Variants in JADE2 observed in about 807,000 individuals in gnomAD.
JADE2 encodes E3 ubiquitin-protein ligase Jade-2.
In JADE2, 13 loss-of-function variants were observed where a neutral mutation model predicts 85.7. The observed-to-expected ratio is 0.15, with a 90% CI of 0.10 to 0.24. The LOEUF (loss-of-function observed/expected upper bound fraction) is 0.24. JADE2 is among the 10% of genes least tolerant of loss of function. The pLI, the probability that JADE2 is intolerant of heterozygous loss-of-function variation, is 1.00. For missense variants in JADE2, 846 were observed against 1,115.9 expected (o/e 0.76, Z 3.45); for synonymous variants, 440 against 456.1 (o/e 0.96, Z 0.45).
At chr5:134,552,987 C>CTTTTTTT (rs34182692) in intron 4 of JADE2, among the ~76,000 whole-genome samples, 7 of 62,416 alleles carry the variant, frequency 1.1e-4, no homozygotes, top group East Asian at 5.4e-4. Flanking sequence ...TGGGCCTGGC[C>CTTTTTTT]TTTTTTTTTT....
At chr5:134,557,152 C>T (rs138571803) in intron 4 of JADE2, among the ~76,000 whole-genome samples, 2 of 152,176 alleles carry the variant, frequency 1.3e-5, no homozygotes, top group East Asian at 3.9e-4. Flanking sequence ...AAACTTAATC[C>T]ATTTAATCCT....
In JADE2 at chr5:134,578,722, A is replaced by C. The variant is rs557690114; in HGVS notation, c.1910A>C (p.Lys637Thr). 7 of 1,613,172 alleles carry C rather than the reference A, an allele frequency of 4.3e-6. 1 individual carries two copies. Among genetic ancestry groups the C allele is most frequent in the Middle Eastern group, 1.6e-4 (1 of 6,084 alleles). ...PSLRPGDPAR[K>T]ARGRTRLPAK... ...CTGCGACCTGGTGACCCTGCTAGGAAGGCCCGAGGCCGCACCCGCCTGCCT... is the reference window on the plus strand; with the variant it reads ...CTGCGACCTGGTGACCCTGCTAGGACGGCCCGAGGCCGCACCCGCCTGCCT... The change falls in exon 12 of 12, where the codon AAG (lysine) becomes ACG (threonine). Residue 637 changes from lysine to threonine, a missense_variant. Lys to Thr is a moderately conservative substitution (Grantham distance 78). Transcript: ENST00000681547. The surrounding 1 kb of genome is among the most constrained non-coding windows in gnomAD (Gnocchi z 4.4).
chr5:134,524,897 T>A (rs958447499), upstream of JADE2, among the ~76,000 whole-genome samples: 1 of 152,182 alleles, frequency 6.6e-6, no homozygotes, highest in Non-Finnish European at 1.5e-5. Context: ...GCCAGCACTT[T>A]CTGCTCACTT....
intron 9 of JADE2, among the ~76,000 whole-genome samples, chr5:134,572,683 AG>A (rs1444622447): frequency 6.6e-6 from 1 of 152,196 alleles, no homozygotes; most frequent in Non-Finnish European, 1.5e-5. Flanking sequence ...GTCTCAAGGG[AG>A]GGGGCTTGGT....
At chr5:134,545,121 G>A (rs898506127) in intron 3 of JADE2, among the ~76,000 whole-genome samples, 1 of 152,212 alleles carries the variant, frequency 6.6e-6, no homozygotes, top group Non-Finnish European at 1.5e-5. Flanking sequence ...GTGGTTTTGA[G>A]CCAAGTTTCC....
chr5:134,532,181 C>T lies in JADE2; in HGVS notation c.1-3677C>T, dbSNP rs1761289200. Among the ~76,000 whole-genome samples, 4 of 151,978 alleles carry T rather than the reference C, an allele frequency of 2.6e-5. 1 individual carries two copies. The South Asian group carries it at 6.2e-4, about 24-fold the overall frequency. On this transcript the variant is annotated intron_variant, in intron 1 of 11. Transcript: ENST00000681547. ...ATTACAGGTGTGAGTCACCGCACCC[C>T]GACTGATTTATGCTTTTTAAACATC... is the stretch of plus-strand genomic sequence containing the variant.
At chr5:134,528,474 G>A (rs547106400) in intron 1 of JADE2, among the ~76,000 whole-genome samples, 69 of 152,344 alleles carry the variant, frequency 4.5e-4, no homozygotes, top group South Asian at 1.9e-3. Flanking sequence ...GAAGGAATGA[G>A]TAATAAAGCT....
intron 6 of JADE2, among the ~76,000 whole-genome samples, chr5:134,561,893 C>G (rs1309825536): frequency 2.0e-5 from 3 of 152,116 alleles, no homozygotes; most frequent in Non-Finnish European, 4.4e-5. Context: ...TTGGACTCTC[C>G]TTAAGTCTAT....
intron 5 of JADE2, 146 bp downstream of exon 5, chr5:134,560,136 T>C: frequency 1.1e-6 from 1 of 907,406 alleles, no homozygotes; most frequent in Non-Finnish European, 1.7e-6. Flanking sequence ...AATGGGGACC[T>C]CACTGGTTAG....
intron 7 of JADE2, chr5:134,564,226 C>A (rs774424149): frequency 1.2e-5 from 4 of 322,616 alleles, no homozygotes; most frequent in Non-Finnish European, 1.7e-5. Context: ...ACACTGACGG[C>A]ACACTCACAC....
intron 3 of JADE2, among the ~76,000 whole-genome samples, chr5:134,538,907 A>T (rs1761770466): frequency 6.7e-6 from 1 of 150,328 alleles, no homozygotes; most frequent in Non-Finnish European, 1.5e-5. Flanking sequence ...CCCAGGCTGG[A>T]GTGCAGTGGC....
intron 1 of JADE2, among the ~76,000 whole-genome samples, chr5:134,530,283 A>G (rs1464037034): frequency 6.6e-6 from 1 of 152,252 alleles, no homozygotes; most frequent in East Asian, 1.9e-4. Context: ...GCATCTTATT[A>G]CACACACGCC....
intron 3 of JADE2, among the ~76,000 whole-genome samples, chr5:134,539,364 A>C (rs1056959919): frequency 1.1e-4 from 16 of 151,850 alleles, no homozygotes; most frequent in Non-Finnish European, 1.9e-4. Flanking sequence ...CGCCCGGCCT[A>C]ATTTTTGTAT....
At chr5:134,576,612 C>A (rs926387967) in intron 10 of JADE2, among the ~76,000 whole-genome samples, 156 bp from the exon 11 acceptor site, 2 of 152,164 alleles carry the variant, frequency 1.3e-5, no homozygotes, top group African/African-American at 2.4e-5. Context: ...TTGGTCCACC[C>A]CACCATGCCA....
At chr5:134,543,298 G>A (rs564628759) in intron 3 of JADE2, among the ~76,000 whole-genome samples, 34 of 151,726 alleles carry the variant, frequency 2.2e-4, no homozygotes, top group African/African-American at 8.2e-4. Flanking sequence ...CCAAAGTGCT[G>A]GGATTACAGG....
At chr5:134,544,540 T>A (rs916236171) in intron 3 of JADE2, 5 of 165,440 alleles carry the variant, frequency 3.0e-5, no homozygotes, top group African/African-American at 1.2e-4. Flanking sequence ...ACCCCAGAGG[T>A]GAGTGGGGCA....
intron 3 of JADE2, among the ~76,000 whole-genome samples, chr5:134,549,822 G>A (rs898887362): frequency 6.6e-6 from 1 of 152,236 alleles, no homozygotes; most frequent in Non-Finnish European, 1.5e-5. Context: ...TGGCTTCAGA[G>A]CAACAGGGCT....
At position 134,579,473 on chromosome 5, in the gene JADE2, C is replaced by A. The variant is rs1176005703; in HGVS notation, c.*156C>A. Reference sequence around the variant, plus strand: ...TTTAATATAGAGAGAGTTTTGAATTCTACACTGTTGTCTTTCCTCTGTGCT... The same window carrying A: ...TTTAATATAGAGAGAGTTTTGAATTATACACTGTTGTCTTTCCTCTGTGCT... On this transcript the variant is annotated 3_prime_UTR_variant, in exon 12 of 12. Coordinates refer to ENST00000681547, the MANE Select transcript of JADE2 (RefSeq NM_001388185.1). This position sits in a 1 kb window ranked among gnomAD's most constrained non-coding sequence, Gnocchi z 4.6. 3.2e-6 allele frequency: 2 copies of A among 625,632 alleles called. No homozygotes were observed. Among genetic ancestry groups the A allele is most frequent in the Non-Finnish European group, 5.5e-6 (2 of 362,682 alleles). 38.8% of individuals were successfully genotyped at this position (625,632 alleles called of 1,614,324 possible). A position where few individuals can be genotyped will look rare whatever the true frequency, so the allele number is the denominator to read the frequency against.
intron 4 of JADE2, among the ~76,000 whole-genome samples, chr5:134,559,327 C>A (rs1309316149): frequency 2.0e-5 from 3 of 152,188 alleles, no homozygotes; most frequent in Non-Finnish European, 4.4e-5. Flanking sequence ...GTAGACAACC[C>A]CTGCCTTGTC....
Sources: gnomAD v4.1 joint callset for allele counts (sites outside exome capture counted in the v4.1 genomes callset) on GRCh38, gnomAD v4.1.1 for gene constraint, Gnocchi (gnomAD v3.1) non-coding constraint, MANE v1.5 for transcripts, NCBI Gene and HGNC (gene_info 2026-07-23, HGNC 2026-07-21) for gene names.